ADAMTSL1: variants seen among roughly 807,000 people sequenced by gnomAD.
The protein encoded by ADAMTSL1 is ADAMTS like 1, also known as ADAMTS-like protein 1.
In ADAMTSL1, 126 loss-of-function variants were observed where a neutral mutation model predicts 201.8. That is an observed-to-expected ratio of 0.62 (90% confidence interval 0.54 to 0.72). The LOEUF is 0.72. Ranked by LOEUF, ADAMTSL1 falls within the 30% of genes least tolerant of loss-of-function variation. The pLI is 0.00. For missense variants in ADAMTSL1, 2,679 were observed against 2,277.8 expected, an observed-to-expected ratio of 1.18 and a Z score of -3.59; for synonymous variants, 1,121 against 903.4, an observed-to-expected ratio of 1.24 and a Z score of -4.32.
intron 2 of ADAMTSL1, among the ~76,000 whole-genome samples, chr9:18,279,366 G>A (rs1417209079): frequency 6.6e-6 from 1 of 151,732 alleles, no homozygotes; most frequent in Non-Finnish European, 1.5e-5. Context: ...TGTTGTTCAA[G>A]GATCAGCTGT....
At chr9:18,284,227 C>G (rs1832910641) in intron 2 of ADAMTSL1, among the ~76,000 whole-genome samples, 1 of 151,694 alleles carries the variant, frequency 6.6e-6, no homozygotes, top group Admixed American at 6.6e-5. Context: ...AAAACTCCAT[C>G]TCAAAAAAAT....
At chr9:18,608,458 G>C (rs1455481434) in intron 4 of ADAMTSL1, among the ~76,000 whole-genome samples, 1 of 152,050 alleles carries the variant, frequency 6.6e-6, no homozygotes, top group African/African-American at 2.4e-5. Context: ...GTGAGTGGGG[G>C]GTTAGTGGAA....
At chr9:18,778,136 C>T (rs1483138387) in intron 19 of ADAMTSL1, among the ~76,000 whole-genome samples, 2 of 152,204 alleles carry the variant, frequency 1.3e-5, no homozygotes, top group African/African-American at 4.8e-5. Flanking sequence ...AAGGAAATAG[C>T]AACATTGCCT....
intron 19 of ADAMTSL1, among the ~76,000 whole-genome samples, chr9:18,790,094 C>G (rs566598237): frequency 1.3e-5 from 2 of 150,784 alleles, no homozygotes; most frequent in South Asian, 4.2e-4. Context: ...TGTGTACCAT[C>G]AAAAAAAAAT....
At chr9:18,072,499 A>G (rs1364473749) in intron 1 of ADAMTSL1, among the ~76,000 whole-genome samples, 2 of 152,210 alleles carry the variant, frequency 1.3e-5, no homozygotes, top group African/African-American at 4.8e-5. Context: ...GCTTGCTAGT[A>G]TACTATGTGA....
intron 2 of ADAMTSL1, among the ~76,000 whole-genome samples, chr9:18,261,254 G>C (rs1478958900): frequency 6.6e-6 from 1 of 152,110 alleles, no homozygotes; most frequent in Non-Finnish European, 1.5e-5. Context: ...GTGGTTGCTT[G>C]AGAGAGGCCT....
chr9:18,409,164 A>C (rs1818325102), intron 2 of ADAMTSL1, among the ~76,000 whole-genome samples: 2 of 151,976 alleles, frequency 1.3e-5, no homozygotes, highest in South Asian at 4.2e-4. Flanking sequence ...CAGGCAAATC[A>C]CCTGAGGTCA....
At chr9:18,479,639 C>A (rs1352597911) in intron 1 of ADAMTSL1, among the ~76,000 whole-genome samples, 1 of 152,114 alleles carries the variant, frequency 6.6e-6, no homozygotes, top group East Asian at 1.9e-4. Context: ...TCTGTGCCAT[C>A]GCCCATCTCT....
At chr9:18,897,691 A>G (rs995031364) in intron 26 of ADAMTSL1, among the ~76,000 whole-genome samples, 5 of 152,144 alleles carry the variant, frequency 3.3e-5, no homozygotes, top group African/African-American at 9.7e-5. Flanking sequence ...ACCCCACAAA[A>G]TCTCCATTCA....
chr9:18,483,526 T>G (rs1383507494), intron 1 of ADAMTSL1, among the ~76,000 whole-genome samples: 2 of 152,194 alleles, frequency 1.3e-5, no homozygotes, highest in Non-Finnish European at 2.9e-5. Context: ...AAAACAATCT[T>G]GAGTTAAAAC....
At chr9:18,364,004 T>G (rs1289074332) in intron 2 of ADAMTSL1, among the ~76,000 whole-genome samples, 2 of 151,902 alleles carry the variant, frequency 1.3e-5, no homozygotes, top group Non-Finnish European at 2.9e-5. Flanking sequence ...AAAAAAAAAT[T>G]CAAATCACAT....
rs573418216 is a variant in ADAMTSL1 at position 18,406,432 on chromosome 9, G to A, written c.208-98397G>A. Among the ~76,000 whole-genome samples, 17 of 151,752 alleles carry A rather than the reference G, an allele frequency of 1.1e-4. No individual in the cohort carries two copies. In the East Asian group the frequency reaches 1.2e-3, roughly 10 times the overall value. On this transcript the variant is annotated intron_variant, in intron 2 of 29. Coordinates refer to the ADAMTSL1 transcript ENST00000680146. ...CAACCTCCGCCTCCTGGGTTCAAGC[G>A]ACTCTCCTGCCTCAGCCTCCCACGT...
intron 26 of ADAMTSL1, among the ~76,000 whole-genome samples, chr9:18,902,140 G>A (rs1177336387): frequency 6.6e-6 from 1 of 152,074 alleles, no homozygotes; most frequent in Admixed American, 6.5e-5. Flanking sequence ...AGAATTGATG[G>A]GAGAAATAAT....
At chr9:18,496,861 G>T (rs1031542721) in intron 1 of ADAMTSL1, among the ~76,000 whole-genome samples, 1 of 152,202 alleles carries the variant, frequency 6.6e-6, no homozygotes, top group Non-Finnish European at 1.5e-5. Flanking sequence ...TGGAGTCACA[G>T]TTTGGACGGA....
At chr9:18,464,833 A>G (rs1820940496) in intron 2 of ADAMTSL1, among the ~76,000 whole-genome samples, 1 of 152,330 alleles carries the variant, frequency 6.6e-6, no homozygotes, top group Admixed American at 6.5e-5. Flanking sequence ...AATAAAAATC[A>G]AGAGAGAAAG....
intron 2 of ADAMTSL1, among the ~76,000 whole-genome samples, chr9:18,403,551 G>T (rs1204389005): frequency 6.6e-6 from 1 of 152,122 alleles, no homozygotes; most frequent in Non-Finnish European, 1.5e-5. Context: ...TGTCTCAATA[G>T]TTCCTAATAC....
At chr9:18,437,329 T>C (rs958378833) in intron 2 of ADAMTSL1, among the ~76,000 whole-genome samples, 5 of 152,290 alleles carry the variant, frequency 3.3e-5, no homozygotes, top group South Asian at 2.1e-4. Context: ...ATATCTTGTA[T>C]TCAATCCCTT....
rs1348275673 is a variant in ADAMTSL1, at chr9:18,795,384, T to C, written c.3678-13T>C. On this transcript the variant is annotated splice_polypyrimidine_tract_variant and intron_variant, in intron 19 of 28. Transcript: ENST00000380548. ...GACTTGACCAGGTCTATATTTCTTT[T>C]CTGTCGCTCCAGGATTCTTCTACAG... 1.9e-6 allele frequency: 3 copies of C among 1,613,488 alleles called. No individual in the cohort carries two copies. Among genetic ancestry groups the C allele is most frequent in the Non-Finnish European group, 2.5e-6 (3 of 1,179,712 alleles).
At position 18,908,477 on chromosome 9, in the gene ADAMTSL1, G is replaced by T. The variant is rs531343862; in HGVS notation, c.5218G>T (p.Val1740Leu). The change falls in exon 29 of 29, where the codon GTG (valine) becomes TTG (leucine). Residue 1740 changes from valine (V) to leucine (L), a missense_variant. By Grantham distance (32) the Val-to-Leu change is conservative (BLOSUM62 1). Transcript: ENST00000380548. Reference protein sequence around the residue: ...CRDTTRYCEKVKQLKLCQLSQ... With the variant: ...CRDTTRYCEKLKQLKLCQLSQ... ...AGACACCACCAGGTACTGCGAGAAGGTGAAACAGCTGAAACTCTGCCAACT... is the reference window on the plus strand; with the variant it reads ...AGACACCACCAGGTACTGCGAGAAGTTGAAACAGCTGAAACTCTGCCAACT... 4 of 1,563,678 alleles carry T rather than the reference G, an allele frequency of 2.6e-6. No homozygotes were observed. The East Asian group carries it at 9.6e-5, about 38-fold the overall frequency.
Sources: gnomAD v4.1 joint callset for allele counts (sites outside exome capture counted in the v4.1 genomes callset) on GRCh38, gnomAD v4.1.1 for gene constraint, MANE v1.5 for transcripts, NCBI Gene and HGNC (gene_info 2026-07-23, HGNC 2026-07-21) for gene names.